Variants in ELMOD1 observed in about 807,000 individuals in gnomAD.
ELMOD1 encodes ELMO domain-containing protein 1.
Under a neutral mutation model 46.7 loss-of-function variants are expected in ELMOD1, and 21 were observed. The observed-to-expected ratio is 0.45, with a 90% CI of 0.32 to 0.65. ELMOD1 has a LOEUF of 0.65. ELMOD1 is among the 30% of genes least tolerant of loss of function. ELMOD1 has a pLI of 0.04. For missense variants in ELMOD1, 348 were observed against 407.8 expected (o/e 0.85, Z 1.26); for synonymous variants, 122 against 138.2 (o/e 0.88, Z 0.82).
rs569122664 is a variant in ELMOD1, at chr11:107,591,909, G to A, written c.-86+500G>A. On this transcript the variant is annotated intron_variant, in intron 1 of 11. Transcript: ENST00000265840. ...TGTGGGGTCCTCCGCGCAGCGAGCT[G>A]GGAGGAGCGGTCGGCTGGGCTGTTG... 42 of 500,220 alleles carry A rather than the reference G, an allele frequency of 8.4e-5. No homozygotes were observed. In the East Asian group the frequency reaches 2.5e-3, roughly 29 times the overall value. 31.0% of individuals were successfully genotyped at this position (500,220 alleles called of 1,614,324 possible). A position where few individuals can be genotyped will look rare whatever the true frequency, so the allele number is the denominator to read the frequency against.
chr11:107,655,218 T>C (rs189327655), intron 10 of ELMOD1, among the ~76,000 whole-genome samples: 7 of 152,320 alleles, frequency 4.6e-5, no homozygotes, highest in African/African-American at 1.7e-4. Flanking sequence ...GCTGAAATCG[T>C]CTTTAAGAAG....
chr11:107,664,737 A>G (rs1412035585), intron 11 of ELMOD1, among the ~76,000 whole-genome samples: 1 of 138,902 alleles, frequency 7.2e-6, no homozygotes, highest in Non-Finnish European at 1.5e-5. Flanking sequence ...AATGTTCCCG[A>G]TGCGATTCAT....
At chr11:107,643,660 G>A (rs1866365668) in intron 6 of ELMOD1, 2 of 531,112 alleles carry the variant, frequency 3.8e-6, no homozygotes, top group African/African-American at 1.9e-5. Flanking sequence ...GCTCAAGGCA[G>A]AATTACCTTA....
chr11:107,650,457 C>A, intron 8 of ELMOD1, 54 bp downstream of exon 8: 1 of 1,197,528 alleles, frequency 8.4e-7, no homozygotes, highest in African/African-American at 1.5e-5. Context: ...ATCAAATGAA[C>A]TTCATCTCCT....
At chr11:107,617,529 A>G (rs1031153688) in intron 1 of ELMOD1, among the ~76,000 whole-genome samples, 6 of 152,232 alleles carry the variant, frequency 3.9e-5, no homozygotes, top group African/African-American at 1.4e-4. Flanking sequence ...ATAAACCAAA[A>G]AGTGCCATGC....
At chr11:107,618,523 GC>G (rs1237747591) in intron 2 of ELMOD1, among the ~76,000 whole-genome samples, 1 of 152,226 alleles carries the variant, frequency 6.6e-6, no homozygotes, top group Non-Finnish European at 1.5e-5. Context: ...TAAGGAAATA[GC>G]TGTCAATGAA....
rs184725989 is a variant in ELMOD1, at chr11:107,598,003, T to C, written c.-86+6594T>C. ...GTTTGTTCTGAGTGTACTCTACGTG[T>C]ACTCTGTCATTACTCTGCATTGTGT... is the stretch of plus-strand genomic sequence containing the variant. On this transcript the variant is annotated intron_variant, in intron 1 of 11. Transcript: ENST00000265840. Among the ~76,000 whole-genome samples the C allele has an allele frequency of 2.0e-5, 3 of 152,352 alleles. No homozygotes were observed. The East Asian group carries it at 5.8e-4, about 29-fold the overall frequency.
intron 1 of ELMOD1, among the ~76,000 whole-genome samples, chr11:107,594,843 G>A (rs1345177322): frequency 6.6e-6 from 1 of 152,172 alleles, no homozygotes; most frequent in Non-Finnish European, 1.5e-5. Context: ...ATGATGGAAA[G>A]AGTGTACATT....
chr11:107,659,516 G>A (rs889297991), intron 11 of ELMOD1, among the ~76,000 whole-genome samples: 2 of 152,022 alleles, frequency 1.3e-5, no homozygotes, highest in African/African-American at 4.8e-5. Context: ...CACACAGTGG[G>A]GGAGCACTCC....
At chr11:107,604,922 G>C (rs955422143) in intron 1 of ELMOD1, among the ~76,000 whole-genome samples, 2 of 152,160 alleles carry the variant, frequency 1.3e-5, no homozygotes, top group African/African-American at 4.8e-5. Context: ...TTTCCTGTCA[G>C]ATGTTTCTAG....
chr11:107,604,945 A>G (rs908535753), intron 1 of ELMOD1, among the ~76,000 whole-genome samples: 3 of 152,190 alleles, frequency 2.0e-5, no homozygotes, highest in Non-Finnish European at 4.4e-5. Flanking sequence ...AAATGTTTTC[A>G]CTATGTTCTG....
rs1248588984 is a variant in ELMOD1 at position 107,644,598 on chromosome 11, C to T, written c.421-2870C>T. 2.0e-5 allele frequency among the ~76,000 whole-genome samples: 3 copies of T among 152,094 alleles called. No individual in the cohort carries two copies. In the East Asian group the frequency reaches 5.9e-4, roughly 30 times the overall value. On this transcript the variant is annotated intron_variant, in intron 6 of 11. Transcript: ENST00000265840. Reference sequence around the variant, plus strand: ...CACGCCATTCTCCTGCCTCAGCCTCCCGAGTAGCTGGGACTACAGGCGCCT... The same window carrying T: ...CACGCCATTCTCCTGCCTCAGCCTCTCGAGTAGCTGGGACTACAGGCGCCT...
chr11:107,635,565 TC>T (rs1413440382), intron 5 of ELMOD1, 70 bp from the exon 6 acceptor site: 4 of 1,500,378 alleles, frequency 2.7e-6, no homozygotes, highest in Non-Finnish European at 3.6e-6. Flanking sequence ...CATGCATACA[TC>T]AAGTGAACAA....
chr11:107,620,983 T>C (rs533589547), intron 2 of ELMOD1, among the ~76,000 whole-genome samples: 1 of 152,212 alleles, frequency 6.6e-6, no homozygotes, highest in South Asian at 2.1e-4. Context: ...GAACAAAAGC[T>C]TAGGGTTTCA....
rs1181568548 is a variant in ELMOD1 at position 107,596,182 on chromosome 11, AT to A, written c.-86+4779del. Among the ~76,000 whole-genome samples, 20 of 151,940 alleles carry A rather than the reference AT, an allele frequency of 1.3e-4. 1 individual carries two copies. The highest frequency in any genetic ancestry group is 6.6e-5 in the Admixed American group (1 of 15,250). ...TTCAGCTGTTATAACTCTCCTTTCT[AT>A]TTTTTATTTTTTTTGTGTACAAGTA... On this transcript the variant is annotated intron_variant, in intron 1 of 11. Transcript: ENST00000265840.
intron 2 of ELMOD1, chr11:107,625,660 G>T: frequency 2.7e-5 from 18 of 677,030 alleles, no homozygotes; most frequent in Non-Finnish European, 3.3e-5. Context: ...GGTTGCTTTT[G>T]TTTGGTAGCA....
At chr11:107,647,344 T>C in intron 6 of ELMOD1, 124 bp from the exon 7 acceptor site, 1 of 695,544 alleles carries the variant, frequency 1.4e-6, no homozygotes, top group Non-Finnish European at 2.2e-6. Context: ...TGATCACATC[T>C]TTAATTGTAA....
intron 6 of ELMOD1, among the ~76,000 whole-genome samples, chr11:107,645,131 G>A (rs1052724756): frequency 2.1e-5 from 3 of 140,676 alleles, no homozygotes; most frequent in African/African-American, 8.0e-5. Flanking sequence ...TAGAGACGGA[G>A]TTTCACCGCG....
At chr11:107,626,660 C>CTTTCCCTCTTTCTTTCTTTCTT (rs148641048) in intron 2 of ELMOD1, among the ~76,000 whole-genome samples, 1 of 125,316 alleles carries the variant, frequency 8.0e-6, no homozygotes, top group Non-Finnish European at 1.6e-5. Flanking sequence ...CTTTCTTTTT[C>CTTTCCCTCTTTCTTTCTTTCTT]TTTCTTTCTT....
Sources: allele counts gnomAD v4.1 joint callset (sites outside exome capture counted in the v4.1 genomes callset), GRCh38; gene constraint gnomAD v4.1.1; transcripts MANE v1.5; gene names NCBI Gene and HGNC (gene_info 2026-07-23, HGNC 2026-07-21).